Variants in PTPRD observed in about 807,000 individuals in gnomAD.
The protein encoded by PTPRD is receptor-type tyrosine-protein phosphatase delta.
Under a neutral mutation model 214.5 loss-of-function variants are expected in PTPRD, and 34 were observed. That is an observed-to-expected ratio of 0.16 (90% CI 0.12 to 0.21). The LOEUF is 0.21. Among genes scored for constraint, PTPRD ranks in the 10% least tolerant of loss-of-function variants. The pLI, the probability that PTPRD is intolerant of heterozygous loss-of-function variation, is 1.00. For missense variants in PTPRD, 2,545 were observed against 2,398.7 expected, an observed-to-expected ratio of 1.06 and a Z score of -1.27; for synonymous variants, 1,128 against 845.7, an observed-to-expected ratio of 1.33 and a Z score of -5.79.
At chr9:8,648,753 A>G (rs543058863) in intron 12 of PTPRD, among the ~76,000 whole-genome samples, 2 of 152,206 alleles carry the variant, frequency 1.3e-5, no homozygotes, top group Non-Finnish European at 1.5e-5. Context: ...AGCTTTTTTC[A>G]TATTTCCTTT....
At chr9:10,576,418 A>G (rs1224348367) in intron 2 of PTPRD, among the ~76,000 whole-genome samples, 1 of 152,114 alleles carries the variant, frequency 6.6e-6, no homozygotes, top group East Asian at 1.9e-4. Context: ...CTCCTTAAAA[A>G]TAGAATCTCA....
At chr9:9,787,320 C>T (rs2098932245) in intron 5 of PTPRD, among the ~76,000 whole-genome samples, 2 of 150,520 alleles carry the variant, frequency 1.3e-5, no homozygotes, top group African/African-American at 4.9e-5. Context: ...AAATCTTTGT[C>T]AGCTTCCAGG....
intron 3 of PTPRD, among the ~76,000 whole-genome samples, chr9:10,189,866 T>C (rs2099354706): frequency 1.4e-5 from 2 of 146,414 alleles, no homozygotes; most frequent in Admixed American, 1.4e-4. Flanking sequence ...GGAGAGAGAG[T>C]TTTCTGAATT....
At chr9:9,113,490 CAA>C (rs2099809021) in intron 10 of PTPRD, among the ~76,000 whole-genome samples, 2 of 152,144 alleles carry the variant, frequency 1.3e-5, no homozygotes, top group Non-Finnish European at 1.5e-5. Context: ...CTAAAATAAT[CAA>C]AGTCAGTCTT....
At chr9:10,315,218 C>T (rs554350732) in intron 3 of PTPRD, among the ~76,000 whole-genome samples, 3 of 151,858 alleles carry the variant, frequency 2.0e-5, no homozygotes, top group Admixed American at 6.6e-5. Flanking sequence ...CTTTCAGTTT[C>T]ATCTCTAAAA....
intron 10 of PTPRD, among the ~76,000 whole-genome samples, chr9:9,062,850 C>G (rs1243502890): frequency 1.3e-5 from 2 of 152,152 alleles, no homozygotes; most frequent in East Asian, 3.9e-4. Context: ...TCCCAGGCAG[C>G]TCGTAAACTT....
At chr9:9,831,311 C>T (rs780656203) in intron 5 of PTPRD, among the ~76,000 whole-genome samples, 6 of 151,940 alleles carry the variant, frequency 3.9e-5, no homozygotes, top group Non-Finnish European at 1.5e-5. Flanking sequence ...TCTCTTTTAG[C>T]CTCAGGCTGA....
intron 2 of PTPRD, among the ~76,000 whole-genome samples, chr9:10,511,883 T>TAG (rs757426809): frequency 1.4e-5 from 2 of 140,844 alleles, no homozygotes; most frequent in Non-Finnish European, 3.1e-5. Flanking sequence ...TGTGTGTATA[T>TAG]ACACACACAC....
intron 9 of PTPRD, among the ~76,000 whole-genome samples, chr9:9,221,274 C>T (rs1198881031): frequency 6.6e-6 from 1 of 152,086 alleles, no homozygotes; most frequent in Non-Finnish European, 1.5e-5. Flanking sequence ...ATGACATGAT[C>T]AGGATAGAAT....
At chr9:8,698,952 T>A (rs1226282400) in intron 12 of PTPRD, among the ~76,000 whole-genome samples, 1 of 152,076 alleles carries the variant, frequency 6.6e-6, no homozygotes, top group Admixed American at 6.6e-5. Flanking sequence ...ATAATAATAT[T>A]AGAAGCACTC....
intron 39 of PTPRD, among the ~76,000 whole-genome samples, chr9:8,346,605 G>C (rs1231265273): frequency 6.6e-6 from 1 of 152,120 alleles, no homozygotes; most frequent in African/African-American, 2.4e-5. Flanking sequence ...CAGGCTGCCT[G>C]CCTGTTAGTC....
At chr9:9,813,137 C>T (rs550825994) in intron 5 of PTPRD, among the ~76,000 whole-genome samples, 22 of 151,962 alleles carry the variant, frequency 1.4e-4, no homozygotes, top group Non-Finnish European at 2.8e-4. Flanking sequence ...ATGTATAAGA[C>T]GCAGTACAAG....
At chr9:10,430,869 C>T (rs10118540) in intron 2 of PTPRD, among the ~76,000 whole-genome samples, 16,159 of 151,864 alleles carry the variant, frequency 0.11, 1,606 homozygotes, top group East Asian at 0.55. Context: ...AAGTTGACAA[C>T]ACTTAGTGAT....
intron 7 of PTPRD, among the ~76,000 whole-genome samples, chr9:9,670,303 C>A (rs530237726): frequency 4.5e-4 from 68 of 152,140 alleles, no homozygotes; most frequent in Middle Eastern, 3.4e-3. Context: ...GAAGTAATTT[C>A]CAAGCAGCAA....
intron 7 of PTPRD, among the ~76,000 whole-genome samples, chr9:9,599,927 T>C (rs1181092254): frequency 3.3e-5 from 5 of 152,218 alleles, no homozygotes; most frequent in South Asian, 2.1e-4. Context: ...TGAAGAAATA[T>C]GTCAACTGAC....
At chr9:9,482,873 G>A (rs1363163811) in intron 8 of PTPRD, among the ~76,000 whole-genome samples, 1 of 152,126 alleles carries the variant, frequency 6.6e-6, no homozygotes, top group Non-Finnish European at 1.5e-5. Flanking sequence ...AATTGCTAAA[G>A]TTCTAGTTTG....
rs2138478226 is a variant in PTPRD, at chr9:8,517,960, A to G, written c.1431T>C (p.Thr477=). The part of the protein sequence containing the change: ...MKHNVADSQI[T]TIGNLVPQKT... ...TCTGGGGCACTAAGTTGCCAATAGT[A>G]GTGATTTGGCTGTCAGCTACATTGT... Residue 477 remains threonine (T), a synonymous_variant, in exon 21 of 46, where the codon ACT becomes ACC. Transcript: ENST00000381196. 3.7e-6 allele frequency: 6 copies of G among 1,614,198 alleles called. No individual in the cohort carries two copies. The highest frequency in any genetic ancestry group is 1.1e-5 in the South Asian group (1 of 91,078).
At chr9:9,248,390 G>C (rs2099973989) in intron 9 of PTPRD, among the ~76,000 whole-genome samples, 1 of 151,942 alleles carries the variant, frequency 6.6e-6, no homozygotes, top group South Asian at 2.1e-4. Flanking sequence ...CACCGTGCCT[G>C]GCCTCCCTAA....
chr9:9,067,104 G>A lies in PTPRD; in HGVS notation c.-142-48369C>T, dbSNP rs1023221396. 1.2e-4 allele frequency among the ~76,000 whole-genome samples: 19 copies of A among 152,240 alleles called. 1 individual carries two copies. Among genetic ancestry groups the A allele is most frequent in the South Asian group, 2.1e-4 (1 of 4,824 alleles). ...CTACAAATAAAAAAATTTAGCCCTCGTGGTGGCACATGACTGTAATTCTGG... is the reference window on the plus strand; with the variant it reads ...CTACAAATAAAAAAATTTAGCCCTCATGGTGGCACATGACTGTAATTCTGG... On this transcript the variant is annotated intron_variant, in intron 10 of 45. Coordinates refer to ENST00000381196, the MANE Select transcript of PTPRD (RefSeq NM_002839.4).
Sources: allele counts gnomAD v4.1 joint callset (sites outside exome capture counted in the v4.1 genomes callset), GRCh38; gene constraint gnomAD v4.1.1; transcripts MANE v1.5; gene names NCBI Gene and HGNC (gene_info 2026-07-23, HGNC 2026-07-21).